The following SBF2 variants were observed in gnomAD, a reference collection of about 807,000 sequenced individuals.
SBF2 encodes the protein SET binding factor 2, also known as myotubularin-related protein 13.
Under a neutral mutation model 225.2 loss-of-function variants are expected in SBF2, and 112 were observed. The observed-to-expected ratio is 0.50, with a 90% confidence interval of 0.43 to 0.58. SBF2 has a LOEUF of 0.58. SBF2 is among the 20% of genes least tolerant of loss of function. The probability of loss-of-function intolerance (pLI) is 0.00; values close to 1 mark genes in which losing one functional copy is unlikely to be tolerated. For missense variants in SBF2, 1,996 were observed against 2,206.2 expected (o/e 0.90, Z 1.91); for synonymous variants, 763 against 773.3 (o/e 0.99, Z 0.22).
At chr11:9,968,695 C>A in intron 13 of SBF2, 150 bp from the exon 14 acceptor site, 2 of 710,816 alleles carry the variant, frequency 2.8e-6, no homozygotes, top group South Asian at 1.6e-5. Context: ...CAAAATCTTA[C>A]TTCTTCTTAC....
chr11:10,114,159 AT>A (rs1300511527), intron 2 of SBF2, among the ~76,000 whole-genome samples: 3 of 151,568 alleles, frequency 2.0e-5, no homozygotes, highest in African/African-American at 7.2e-5. Context: ...CTCCCAAAGC[AT>A]TACTGAAGGA....
intron 2 of SBF2, among the ~76,000 whole-genome samples, chr11:10,043,562 T>C (rs937306603): frequency 6.8e-6 from 1 of 146,346 alleles, no homozygotes; most frequent in African/African-American, 2.5e-5. Flanking sequence ...CAGAAATACT[T>C]GCAGGTTAAA....
chr11:10,008,139 G>A (rs1565125840), intron 6 of SBF2, among the ~76,000 whole-genome samples: 1 of 152,176 alleles, frequency 6.6e-6, no homozygotes, highest in South Asian at 2.1e-4. Context: ...CAATACCCAG[G>A]GAGGTATATG....
At chr11:9,943,603 G>A (rs989603901) in intron 16 of SBF2, among the ~76,000 whole-genome samples, 1 of 152,040 alleles carries the variant, frequency 6.6e-6, no homozygotes, top group African/African-American at 2.4e-5. Flanking sequence ...CAGAAAACAT[G>A]CAAAGCCAAT....
intron 6 of SBF2, among the ~76,000 whole-genome samples, chr11:10,020,470 G>A (rs1027934318): frequency 2.0e-5 from 3 of 151,694 alleles, no homozygotes; most frequent in African/African-American, 4.8e-5. Context: ...ATCCCAAGTC[G>A]AAAAGCCAAA....
At chr11:9,787,382 C>T (rs1159759588) in intron 36 of SBF2, among the ~76,000 whole-genome samples, 1 of 152,090 alleles carries the variant, frequency 6.6e-6, no homozygotes, top group African/African-American at 2.4e-5. Flanking sequence ...AGAAAAGAAC[C>T]CAATACTTTT....
At chr11:10,095,362 C>T (rs1951973699) in intron 2 of SBF2, among the ~76,000 whole-genome samples, 1 of 152,034 alleles carries the variant, frequency 6.6e-6, no homozygotes. Context: ...GATGTAAGAC[C>T]AGAGGGCTAA....
intron 1 of SBF2, among the ~76,000 whole-genome samples, chr11:10,210,029 G>A (rs1957877291): frequency 6.6e-6 from 1 of 152,158 alleles, no homozygotes; most frequent in Admixed American, 6.5e-5. Flanking sequence ...AGGAAGCTGG[G>A]CACAGTGGCT....
chr11:9,782,439 A>G (rs374248501), intron 38 of SBF2, among the ~76,000 whole-genome samples: 10 of 152,358 alleles, frequency 6.6e-5, no homozygotes, highest in African/African-American at 2.4e-4. Flanking sequence ...GGATTGAGAA[A>G]TATTAAAAAT....
At chr11:9,869,304 G>C (rs1157801251) in intron 17 of SBF2, among the ~76,000 whole-genome samples, 2 of 152,042 alleles carry the variant, frequency 1.3e-5, no homozygotes, top group African/African-American at 4.8e-5. Flanking sequence ...CTATCCATAA[G>C]AGTTCCCTGA....
intron 3 of SBF2, among the ~76,000 whole-genome samples, chr11:10,038,916 T>C (rs1949547644): frequency 6.6e-6 from 1 of 151,916 alleles, no homozygotes; most frequent in African/African-American, 2.4e-5. Context: ...AATCAAATGA[T>C]TATTTAGATA....
intron 17 of SBF2, among the ~76,000 whole-genome samples, chr11:9,861,303 T>C (rs1857717960): frequency 3.3e-5 from 5 of 152,176 alleles, no homozygotes; most frequent in Admixed American, 1.3e-4. Flanking sequence ...TAAGGGATTC[T>C]CCCGCCTTAA....
intron 38 of SBF2, chr11:9,783,258 T>C (rs1852153002): frequency 1.3e-5 from 2 of 152,232 alleles, no homozygotes; most frequent in Non-Finnish European, 2.9e-5. Flanking sequence ...CATTTGTATA[T>C]TTGAACATAA....
At chr11:10,138,229 G>T (rs895334435) in intron 2 of SBF2, among the ~76,000 whole-genome samples, 1 of 152,078 alleles carries the variant, frequency 6.6e-6, no homozygotes, top group Non-Finnish European at 1.5e-5. Context: ...TGCTTTTCAA[G>T]TCATTTGTCC....
At position 10,293,461 on chromosome 11, in the gene SBF2, A is replaced by G. The variant is rs1385050592; in HGVS notation, c.55+554T>C. Reference sequence around the variant, plus strand: ...TAGGGAGCATTTCCTAGAAAGGGGTAAAAGTGCAAAGAATCCTGTCCCCTT... The same window carrying G: ...TAGGGAGCATTTCCTAGAAAGGGGTGAAAGTGCAAAGAATCCTGTCCCCTT... On this transcript the variant is annotated intron_variant, in intron 1 of 39. Coordinates refer to ENST00000256190, the MANE Select transcript of SBF2 (RefSeq NM_030962.4). Among the ~76,000 whole-genome samples the G allele has an allele frequency of 3.3e-5, 5 of 152,214 alleles. No individual in the cohort carries two copies. The South Asian group carries it at 1.0e-3, about 31-fold the overall frequency.
At chr11:10,251,988 G>GC (rs1167921370) in intron 1 of SBF2, among the ~76,000 whole-genome samples, 1 of 152,156 alleles carries the variant, frequency 6.6e-6, no homozygotes, top group Non-Finnish European at 1.5e-5. Flanking sequence ...CATGCACGAG[G>GC]CCCCAACAGG....
intron 16 of SBF2, among the ~76,000 whole-genome samples, chr11:9,934,349 G>A (rs11042554): frequency 0.21 from 31,388 of 151,954 alleles, 3,953 homozygotes; most frequent in Non-Finnish European, 0.29. Context: ...AGAAGCAGAC[G>A]GATTCACAAC....
intron 2 of SBF2, among the ~76,000 whole-genome samples, chr11:10,116,365 G>A (rs1248705242): frequency 6.6e-6 from 1 of 152,032 alleles, no homozygotes; most frequent in Non-Finnish European, 1.5e-5. Context: ...TCATATACCA[G>A]GTAAGGCATT....
chr11:9,821,778 G>C (rs527732241), intron 28 of SBF2, among the ~76,000 whole-genome samples: 1 of 152,220 alleles, frequency 6.6e-6, no homozygotes, highest in South Asian at 2.1e-4. Context: ...TTGTTTTAGT[G>C]TATACATTAT....
Sources: gnomAD v4.1 joint callset for allele counts (sites outside exome capture counted in the v4.1 genomes callset) on GRCh38, gnomAD v4.1.1 for gene constraint, MANE v1.5 for transcripts, NCBI Gene and HGNC (gene_info 2026-07-23, HGNC 2026-07-21) for gene names.